Variants in ANKRD34A observed in about 807,000 individuals in gnomAD.
ANKRD34A encodes the protein ankyrin repeat domain 34A, also known as ankyrin repeat domain-containing protein 34A.
Under a neutral mutation model 27.1 loss-of-function variants are expected in ANKRD34A, and 7 were observed. The ratio of observed to expected loss-of-function variants is 0.26; its 90% confidence interval spans 0.15 to 0.49. The LOEUF (loss-of-function observed/expected upper bound fraction) is 0.49, where lower values mean the gene tolerates loss of function less well. Among genes scored for constraint, ANKRD34A ranks in the 20% least tolerant of loss-of-function variants. The pLI, the probability that ANKRD34A is intolerant of heterozygous loss-of-function variation, is 0.99. For missense variants in ANKRD34A, 472 were observed against 682.1 expected (o/e 0.69, Z 3.43); for synonymous variants, 301 against 300.8 (o/e 1.00, Z -0.01).
At position 145,961,812 on chromosome 1, in the gene ANKRD34A, G is replaced by A. The variant is rs933358849; in HGVS notation, c.-53C>T. ...GGAGCCGGGACTGAGACCTGCCGAG[G>A]ATGACTAGGGGTATGGGGAGGGGGA... On this transcript the variant is annotated 5_prime_UTR_variant, in exon 4 of 4. Coordinates refer to ENST00000606888, the MANE Select transcript of ANKRD34A (RefSeq NM_001039888.4). This position sits in a 1 kb window ranked among gnomAD's most constrained non-coding sequence, Gnocchi z 9.5. 4.5e-5 allele frequency: 69 copies of A among 1,547,012 alleles called. No homozygotes were observed. Among genetic ancestry groups the A allele is most frequent in the South Asian group, 2.4e-4 (20 of 83,208 alleles).
chr1:145,960,363 C>T lies in ANKRD34A; in HGVS notation c.1397G>A (p.Arg466His), dbSNP rs868984226. Residue 466 changes from arginine to histidine, a missense_variant, in exon 4 of 4, where the codon CGC becomes CAC. By Grantham distance (29) the Arg-to-His change is conservative (BLOSUM62 0). Coordinates refer to ENST00000606888, the MANE Select transcript of ANKRD34A (RefSeq NM_001039888.4). The surrounding 1 kb of genome is among the most constrained non-coding windows in gnomAD (Gnocchi z 5.5). ...AGAPGSPRTK[R>H]KLVRRHSMQT... ...CATGGAGTGGCGTCTCACCAATTTG[C>T]GCTTGGTCCTGGGAGAGCCTGGCGC... is the stretch of plus-strand genomic sequence containing the variant. 1 of 1,613,484 alleles carries T rather than the reference C, an allele frequency of 6.2e-7. No individual in the cohort carries two copies. Among genetic ancestry groups the T allele is most frequent in the Non-Finnish European group, 8.5e-7 (1 of 1,179,730 alleles).
chr1:145,960,341 G>T lies in ANKRD34A; in HGVS notation c.1419C>A (p.Ser473=). The change falls in exon 4 of 4, where the codon TCC becomes TCA. Residue 473 remains serine (S), a synonymous_variant. Coordinates refer to ENST00000606888, the MANE Select transcript of ANKRD34A (RefSeq NM_001039888.4). The surrounding 1 kb of genome is among the most constrained non-coding windows in gnomAD (Gnocchi z 5.5). ...RTKRKLVRRH[S]MQTEQIRLLG... is the part of the protein sequence containing the mutation. ...GCAGGCGGATCTGCTCAGTCTGCAT[G>T]GAGTGGCGTCTCACCAATTTGCGCT... 6.2e-7 allele frequency: 1 copy of T among 1,612,912 alleles called. No individual in the cohort carries two copies.
intron 2 of ANKRD34A, 91 bp from the exon 3 acceptor site, chr1:145,963,059 T>C (rs1483518563): frequency 1.3e-5 from 2 of 152,406 alleles, no homozygotes; most frequent in African/African-American, 2.4e-5. Flanking sequence ...TTTCTTCCTG[T>C]AGTTTAATTG....
chr1:145,960,399 G>A lies in ANKRD34A; in HGVS notation c.1361C>T (p.Pro454Leu). The A allele has an allele frequency of 1.2e-6, 2 of 1,613,912 alleles. No individual in the cohort carries two copies. Among genetic ancestry groups the A allele is most frequent in the South Asian group, 1.1e-5 (1 of 91,052 alleles). Residue 454 changes from proline (P) to leucine (L), a missense_variant, in exon 4 of 4, where the codon CCT becomes CTT. This residue lies in a region of ANKRD34A where 53 missense variants were observed against 70.3 expected (regional missense o/e 0.75). Transcript: ENST00000606888. The surrounding 1 kb of genome is among the most constrained non-coding windows in gnomAD (Gnocchi z 5.5). Reference protein sequence around the residue: ...GGRAPSLPAPPYAGAPGSPRT... With the variant: ...GGRAPSLPAPLYAGAPGSPRT... ...GGGAGAGCCTGGCGCCCCGGCATAA[G>A]GAGGGGCAGGCAACGAAGGCGCCCG...
At position 145,959,848 on chromosome 1, in the gene ANKRD34A, C is replaced by A; in HGVS notation, c.*421G>T. 5.2e-6 allele frequency: 1 copy of A among 193,842 alleles called. No individual in the cohort carries two copies. Among genetic ancestry groups the A allele is most frequent in the East Asian group, 1.3e-4 (1 of 7,496 alleles). 12.0% of individuals were successfully genotyped at this position (193,842 alleles called of 1,614,324 possible). A position where few individuals can be genotyped will look rare whatever the true frequency, so the allele number is the denominator to read the frequency against. On this transcript the variant is annotated 3_prime_UTR_variant, in exon 4 of 4. Coordinates refer to ENST00000606888, the MANE Select transcript of ANKRD34A (RefSeq NM_001039888.4). ...AGAGAGTGTGCAAAATCATGATAGG[C>A]TGTGTTTCAGGGCATACATGGAAAG...
intron 1 of ANKRD34A, 144 bp downstream of exon 1, chr1:145,964,040 C>T (rs1161380291): frequency 2.6e-5 from 4 of 152,168 alleles, no homozygotes; most frequent in African/African-American, 7.2e-5. Context: ...AATAGGACTC[C>T]TCCTTCCACT....
chr1:145,961,248 G>C lies in ANKRD34A; in HGVS notation c.512C>G (p.Pro171Arg). 3 of 1,614,056 alleles carry C rather than the reference G, an allele frequency of 1.9e-6. No homozygotes were observed. The South Asian group carries it at 3.3e-5, about 18-fold the overall frequency. The change falls in exon 4 of 4, where the codon CCT becomes CGT. Residue 171 changes from proline to arginine, a missense_variant. Physicochemically the swap from Pro to Arg is moderately radical, Grantham distance 103. This residue lies in a region of ANKRD34A where 118 missense variants were observed against 253.6 expected (regional missense o/e 0.47). Transcript: ENST00000606888. The surrounding 1 kb of genome is among the most constrained non-coding windows in gnomAD (Gnocchi z 9.5). ...NSPPSPGVED[P>R]APASPSPGFC... ...CCCCGGGCTAGGAGAGGCGGGAGCAGGGTCCTCCACCCCTGGGGATGGTGG... is the reference window on the plus strand; with the variant it reads ...CCCCGGGCTAGGAGAGGCGGGAGCACGGTCCTCCACCCCTGGGGATGGTGG...
Position 145,960,824 on chromosome 1 carries a change from A to G in ANKRD34A, c.936T>C (p.Ser312=). 1 of 1,614,192 alleles carries G rather than the reference A, an allele frequency of 6.2e-7. No homozygotes were observed. The highest frequency in any genetic ancestry group is 8.5e-7 in the Non-Finnish European group (1 of 1,180,032). ...GAGCTTCTGGTGCTGTGTTTCGGCG[A>G]GAGAGAGGACCCCCGCTAGTCACTT... is the stretch of plus-strand genomic sequence containing the variant. ...AEKVTSGGPL[S]RRNTAPEAQE... is the part of the protein sequence containing the mutation. Residue 312 remains serine, a synonymous_variant, in exon 4 of 4, where the codon TCT becomes TCC. Transcript: ENST00000606888. The surrounding 1 kb of genome is among the most constrained non-coding windows in gnomAD (Gnocchi z 5.5).
In ANKRD34A at chr1:145,961,505, G is replaced by T; in HGVS notation, c.255C>A (p.Cys85Ter). The T allele has an allele frequency of 6.3e-7, 1 of 1,575,470 alleles. No individual in the cohort carries two copies. The highest frequency in any genetic ancestry group is 8.6e-7 in the Non-Finnish European group (1 of 1,161,120). ...RLGRTALMHA[C>*]AGGGGAAVAS... ...CCACCGCGGCGCCCCCACCCCCGGC[G>T]CAAGCGTGCATGAGCGCCGTGCGCC... The change falls in exon 4 of 4, where the codon TGC (cysteine) becomes TGA (stop). Residue 85 changes from cysteine to a stop codon, truncating the protein, a stop_gained. Coordinates refer to ENST00000606888, the MANE Select transcript of ANKRD34A (RefSeq NM_001039888.4). LOFTEE classifies it high-confidence loss of function. The surrounding 1 kb of genome is among the most constrained non-coding windows in gnomAD (Gnocchi z 9.5).
At position 145,961,794 on chromosome 1, in the gene ANKRD34A, G is replaced by C; in HGVS notation, c.-35C>G. On this transcript the variant is annotated 5_prime_UTR_variant, in exon 4 of 4. Transcript: ENST00000606888. This position sits in a 1 kb window ranked among gnomAD's most constrained non-coding sequence, Gnocchi z 9.5. The stretch of plus-strand genomic sequence containing the variant: ...TGGGGCGAGGGCACAGATGGAGCCG[G>C]GACTGAGACCTGCCGAGGATGACTA... 6.3e-7 allele frequency: 1 copy of C among 1,583,064 alleles called. No homozygotes were observed. Among genetic ancestry groups the C allele is most frequent in the Non-Finnish European group, 8.6e-7 (1 of 1,168,928 alleles).
In ANKRD34A at chr1:145,961,493, C is replaced by G; in HGVS notation, c.267G>C (p.Gly89=). 3 of 1,574,140 alleles carry G rather than the reference C, an allele frequency of 1.9e-6. No individual in the cohort carries two copies. Among genetic ancestry groups the G allele is most frequent in the Non-Finnish European group, 2.6e-6 (3 of 1,160,566 alleles). The change falls in exon 4 of 4, where the codon GGG becomes GGC. Residue 89 remains glycine, a synonymous_variant. Transcript: ENST00000606888. The surrounding 1 kb of genome is among the most constrained non-coding windows in gnomAD (Gnocchi z 9.5). ...GGAGCAGCGAGGCCACCGCGGCGCC[C>G]CCACCCCCGGCGCAAGCGTGCATGA... The part of the protein sequence containing the change: ...TALMHACAGG[G]GAAVASLLLA...
rs959089927 is a variant in ANKRD34A, at chr1:145,961,478, G to A, written c.282C>T (p.Ala94=). Residue 94 remains alanine, a synonymous_variant, in exon 4 of 4, where the codon GCC becomes GCT. Coordinates refer to ENST00000606888, the MANE Select transcript of ANKRD34A (RefSeq NM_001039888.4). This position sits in a 1 kb window ranked among gnomAD's most constrained non-coding sequence, Gnocchi z 9.5. The part of the protein sequence containing the change: ...ACAGGGGAAV[A]SLLLAHGADP... ...CTGCGCCGTGGGCAAGGAGCAGCGA[G>A]GCCACCGCGGCGCCCCCACCCCCGG... 3 of 1,576,712 alleles carry A rather than the reference G, an allele frequency of 1.9e-6. No homozygotes were observed. The highest frequency in any genetic ancestry group is 3.7e-5 in the Admixed American group (2 of 54,412).
Position 145,960,105 on chromosome 1 carries a change from A to C in ANKRD34A, c.*164T>G. On this transcript the variant is annotated 3_prime_UTR_variant, in exon 4 of 4. Transcript: ENST00000606888. The surrounding 1 kb of genome is among the most constrained non-coding windows in gnomAD (Gnocchi z 5.5). Reference sequence around the variant, plus strand: ...GAGTACTTATTCTTTCTTGCTAATAAGAGTACTGTGCTTATGGACACATGT... The same window carrying C: ...GAGTACTTATTCTTTCTTGCTAATACGAGTACTGTGCTTATGGACACATGT... The C allele has an allele frequency of 1.3e-6, 1 of 755,526 alleles. No individual in the cohort carries two copies. The allele number at this position is 755,526 out of a possible 1,614,324, so 46.8% of individuals were successfully genotyped here. A position where few individuals can be genotyped will look rare whatever the true frequency, so the allele number is the denominator to read the frequency against.
Position 145,961,287 on chromosome 1 carries a change from T to C in ANKRD34A, c.473A>G (p.Gln158Arg). ...TSPSGTKKTR[Q>R]YLNSPPSPGV... The stretch of plus-strand genomic sequence containing the variant: ...TGGGGATGGTGGAGAATTGAGATAC[T>C]GCCGGGTCTTCTTGGTGCCTGAGGG... The change falls in exon 4 of 4, where the codon CAG (glutamine) becomes CGG (arginine). Residue 158 changes from glutamine (Q) to arginine (R), a missense_variant. Around this residue, in one of 4 missense-constraint regions of ANKRD34A, gnomAD observed 118 missense variants for 253.6 expected, o/e 0.47. Coordinates refer to ENST00000606888, the MANE Select transcript of ANKRD34A (RefSeq NM_001039888.4). The surrounding 1 kb of genome is among the most constrained non-coding windows in gnomAD (Gnocchi z 9.5). 6.2e-7 allele frequency: 1 copy of C among 1,614,000 alleles called. No homozygotes were observed. Among genetic ancestry groups the C allele is most frequent in the Non-Finnish European group, 8.5e-7 (1 of 1,179,990 alleles).
Position 145,961,263 on chromosome 1 carries a change from G to A in ANKRD34A, c.497C>T (p.Pro166Leu). The A allele has an allele frequency of 1.2e-6, 2 of 1,614,096 alleles. No homozygotes were observed. The highest frequency in any genetic ancestry group is 3.3e-5 in the Admixed American group (2 of 60,016). Residue 166 changes from proline (P) to leucine (L), a missense_variant, in exon 4 of 4, where the codon CCA becomes CTA. Pro to Leu is a moderately conservative substitution (Grantham distance 98). Transcript: ENST00000606888. The surrounding 1 kb of genome is among the most constrained non-coding windows in gnomAD (Gnocchi z 9.5). ...GGCGGGAGCAGGGTCCTCCACCCCT[G>A]GGGATGGTGGAGAATTGAGATACTG... ...TRQYLNSPPS[P>L]GVEDPAPASP...
rs1649823345 is a variant in ANKRD34A at position 145,962,517 on chromosome 1, T to TTG, written c.-218_-217insCA. 7.6e-6 allele frequency: 1 copy of TTG among 131,118 alleles called. No homozygotes were observed. Among genetic ancestry groups the TTG allele is most frequent in the Admixed American group, 7.3e-5 (1 of 13,678 alleles). The allele number at this position is 131,118 out of a possible 1,614,324, so 8.1% of individuals were successfully genotyped here. ...CAGTTTCCTGGGGGCCCGCATGGCG[T>TTG]GGGGGGGGGGGCACCCGGATTCCCT... On this transcript the variant is annotated 5_prime_UTR_variant, in exon 3 of 4. Coordinates refer to ENST00000606888, the MANE Select transcript of ANKRD34A (RefSeq NM_001039888.4).
In ANKRD34A at chr1:145,961,466, A is replaced by C; in HGVS notation, c.294T>G (p.Leu98=). 1.3e-6 allele frequency: 2 copies of C among 1,589,408 alleles called. No homozygotes were observed. Among genetic ancestry groups the C allele is most frequent in the Non-Finnish European group, 1.7e-6 (2 of 1,167,100 alleles). ...GGGAAVASLL[L]AHGADPSVRD... The stretch of plus-strand genomic sequence containing the variant: ...GGACTGAGGGGTCTGCGCCGTGGGC[A>C]AGGAGCAGCGAGGCCACCGCGGCGC... Residue 98 remains leucine (L), a synonymous_variant, in exon 4 of 4, where the codon CTT becomes CTG. Transcript: ENST00000606888. This position sits in a 1 kb window ranked among gnomAD's most constrained non-coding sequence, Gnocchi z 9.5.
chr1:145,961,253 C>T lies in ANKRD34A; in HGVS notation c.507G>A (p.Glu169=). ...YLNSPPSPGV[E]DPAPASPSPG... The stretch of plus-strand genomic sequence containing the variant: ...GGCTAGGAGAGGCGGGAGCAGGGTC[C>T]TCCACCCCTGGGGATGGTGGAGAAT... Residue 169 remains glutamate (E), a synonymous_variant, in exon 4 of 4, where the codon GAG becomes GAA. Coordinates refer to ENST00000606888, the MANE Select transcript of ANKRD34A (RefSeq NM_001039888.4). This position sits in a 1 kb window ranked among gnomAD's most constrained non-coding sequence, Gnocchi z 9.5. The T allele has an allele frequency of 6.2e-7, 1 of 1,614,064 alleles. No homozygotes were observed. Among genetic ancestry groups the T allele is most frequent in the Non-Finnish European group, 8.5e-7 (1 of 1,179,966 alleles).
At position 145,964,176 on chromosome 1, in the gene ANKRD34A, C is replaced by T. The variant is rs1032054983; in HGVS notation, c.-897+8G>A. 1 of 152,574 alleles carries T rather than the reference C, an allele frequency of 6.6e-6. No individual in the cohort carries two copies. The highest frequency in any genetic ancestry group is 2.4e-5 in the African/African-American group (1 of 41,474). The allele number at this position is 152,574 out of a possible 1,614,324, so 9.5% of individuals were successfully genotyped here. A position where few individuals can be genotyped will look rare whatever the true frequency, so the allele number is the denominator to read the frequency against. On this transcript the variant is annotated splice_region_variant and intron_variant, in intron 1 of 3. Coordinates refer to ENST00000606888, the MANE Select transcript of ANKRD34A (RefSeq NM_001039888.4). ...CCAAATCCTTCCTTTCTTGAACCCT[C>T]TGCCCACCTTCTCACAGACACGGCA...
Sources: allele counts gnomAD v4.1 joint callset, GRCh38; gene constraint gnomAD v4.1.1; regional missense constraint gnomAD v4.1.1; non-coding constraint Gnocchi (gnomAD v3.1); transcripts MANE v1.5; gene names NCBI Gene and HGNC (gene_info 2026-07-23, HGNC 2026-07-21).